Variants in ARSD observed in about 807,000 individuals in gnomAD.
ARSD encodes the protein arylsulfatase D, also known as testis tissue sperm-binding protein Li 39a.
A neutral mutation model predicts 32.6 loss-of-function variants in ARSD; 21 were observed. The ratio of observed to expected loss-of-function variants is 0.64; its 90% CI spans 0.46 to 0.93. ARSD has a LOEUF of 0.93. ARSD is among the 40% of genes least tolerant of loss of function. The pLI is 0.00. For missense variants in ARSD, 454 were observed against 520.9 expected (o/e 0.87, Z 1.25); for synonymous variants, 224 against 237.4 (o/e 0.94, Z 0.52).
intron 2 of ARSD, among the ~76,000 whole-genome samples, chrX:2,924,426 T>G (rs1029961079): frequency 6.2e-5 from 7 of 113,655 alleles, no homozygotes; most frequent in Admixed American, 3.7e-4. Flanking sequence ...TGGCAGCTAT[T>G]GAAAAGCAGA....
intron 1 of ARSD, among the ~76,000 whole-genome samples, chrX:2,928,266 T>C (rs1479597478): frequency 1.0e-5 from 1 of 97,051 alleles, no homozygotes; most frequent in African/African-American, 3.8e-5. Context: ...ACGGCCGCGC[T>C]TGTGGTGGAG....
chrX:2,904,964 A>G lies in ARSD; in HGVS notation c.*2307T>C. ...CCAGGTGTCTCCTGTGTGTCCCTCC[A>G]GATCCCTCTCCAGCCCTAGAAACCT... On this transcript the variant is annotated 3_prime_UTR_variant, in exon 10 of 10. Transcript: ENST00000381154. 6.1e-6 allele frequency: 2 copies of G among 328,452 alleles called. No homozygotes were observed. The highest frequency in any genetic ancestry group is 1.2e-5 in the Non-Finnish European group (2 of 165,280). The allele number at this position is 328,452 out of a possible 1,213,427, so 27.1% of individuals were successfully genotyped here.
intron 5 of ARSD, 52 bp downstream of exon 5, chrX:2,917,752 T>A: frequency 8.8e-7 from 1 of 1,130,649 alleles, no homozygotes. Context: ...ATGACAGGCA[T>A]GAGCCATCGC....
At chrX:2,921,034 G>A (rs2089024033) in intron 3 of ARSD, among the ~76,000 whole-genome samples, 1 of 111,269 alleles carries the variant, frequency 9.0e-6, no homozygotes, top group Non-Finnish European at 1.9e-5. Flanking sequence ...TACTCGTATC[G>A]GGTGCGTGGA....
At position 2,907,021 on chromosome X, in the gene ARSD, G is replaced by C. The variant is rs747168282; in HGVS notation, c.*250C>G. On this transcript the variant is annotated 3_prime_UTR_variant, in exon 10 of 10. Transcript: ENST00000381154. ...AATCCTGGGTACTCAGGAGGCTGAGGCAGGAAAATCGCTTGAACCCGGGAG... is the reference window on the plus strand; with the variant it reads ...AATCCTGGGTACTCAGGAGGCTGAGCCAGGAAAATCGCTTGAACCCGGGAG... The C allele has an allele frequency of 2.3e-4, 69 of 294,917 alleles. No homozygotes were observed. Among genetic ancestry groups the C allele is most frequent in the Non-Finnish European group, 3.5e-4 (60 of 170,459 alleles). 24.3% of individuals were successfully genotyped at this position (294,917 alleles called of 1,213,427 possible). A position where few individuals can be genotyped will look rare whatever the true frequency, so the allele number is the denominator to read the frequency against.
chrX:2,925,907 T>A, intron 1 of ARSD, 142 bp from the exon 2 acceptor site: 1 of 604,822 alleles, frequency 1.7e-6, no homozygotes, highest in Non-Finnish European at 2.5e-6. Context: ...TGTCTTGGCC[T>A]GAATTCCTGC....
rs1193444420 is a variant in ARSD, at chrX:2,907,122, A to T, written c.*149T>A. ...ACAGAGCGACACTCTGTCTCAAAAA[A>T]GAAAGAAAGAAAGAAAGAAAGTGGG... On this transcript the variant is annotated 3_prime_UTR_variant, in exon 10 of 10. Coordinates refer to ENST00000381154, the MANE Select transcript of ARSD (RefSeq NM_001669.4). 2.0e-5 allele frequency: 9 copies of T among 458,596 alleles called. No homozygotes were observed. The highest frequency in any genetic ancestry group is 2.9e-5 in the Non-Finnish European group (8 of 278,933). 37.8% of individuals were successfully genotyped at this position (458,596 alleles called of 1,213,427 possible).
intron 6 of ARSD, chrX:2,914,240 T>C: frequency 1.3e-6 from 1 of 750,122 alleles, no homozygotes; most frequent in Non-Finnish European, 1.6e-6. Context: ...TATTTCTTTT[T>C]TTTTTTGGAG....
chrX:2,921,206 G>T (rs1049470046), intron 3 of ARSD, among the ~76,000 whole-genome samples: 16 of 111,127 alleles, frequency 1.4e-4, no homozygotes, highest in African/African-American at 5.2e-4. Flanking sequence ...TGTTTACCTA[G>T]CTATCACCTG....
At position 2,905,188 on chromosome X, in the gene ARSD, C is replaced by A; in HGVS notation, c.*2083G>T. On this transcript the variant is annotated 3_prime_UTR_variant, in exon 10 of 10. Transcript: ENST00000381154. The stretch of plus-strand genomic sequence containing the variant: ...CTCTTCCTCTGGATCTTGGAAGCTT[C>A]CATGCTGAGGTCTGAAGGTGGCTCC... The A allele has an allele frequency of 3.5e-6, 1 of 285,819 alleles. No individual in the cohort carries two copies. Among genetic ancestry groups the A allele is most frequent in the Non-Finnish European group, 6.8e-6 (1 of 147,228 alleles). The allele number at this position is 285,819 out of a possible 1,213,427, so 23.6% of individuals were successfully genotyped here. A position where few individuals can be genotyped will look rare whatever the true frequency, so the allele number is the denominator to read the frequency against.
At position 2,907,114 on chromosome X, in the gene ARSD, C is replaced by T; in HGVS notation, c.*157G>A. On this transcript the variant is annotated 3_prime_UTR_variant, in exon 10 of 10. Coordinates refer to ENST00000381154, the MANE Select transcript of ARSD (RefSeq NM_001669.4). ...CCTGAGGGACAGAGCGACACTCTGT[C>T]TCAAAAAAGAAAGAAAGAAAGAAAG... 4.0e-6 allele frequency: 2 copies of T among 498,757 alleles called. No individual in the cohort carries two copies. The highest frequency in any genetic ancestry group is 3.5e-5 in the South Asian group (1 of 28,187). The allele number at this position is 498,757 out of a possible 1,213,427, so 41.1% of individuals were successfully genotyped here.
At chrX:2,908,030 T>G (rs778069717) in intron 9 of ARSD, 1 of 684,090 alleles carries the variant, frequency 1.5e-6, no homozygotes, top group East Asian at 1.3e-4. Context: ...GATTGGGTAC[T>G]TATCTATCTA....
Position 2,917,771 on chromosome X carries a change from C to G in ARSD, c.863+33G>C. On this transcript the variant is annotated intron_variant, in intron 5 of 9. Coordinates refer to ENST00000381154, the MANE Select transcript of ARSD (RefSeq NM_001669.4). ...CAGGCATGAGCCATCGCGTCCGGCC[C>G]CATCTCCTCTTTAAGATGCGATGGT... 3.4e-6 allele frequency: 4 copies of G among 1,176,502 alleles called. No individual in the cohort carries two copies. The African/African-American group carries it at 7.0e-5, about 21-fold the overall frequency.
chrX:2,917,760 C>G, intron 5 of ARSD, 44 bp downstream of exon 5: 1 of 1,144,207 alleles, frequency 8.7e-7, no homozygotes, highest in East Asian at 3.1e-5. Flanking sequence ...CATGAGCCAT[C>G]GCGTCCGGCC....
At chrX:2,918,484 C>T (rs1488854747) in intron 4 of ARSD, among the ~76,000 whole-genome samples, 2 of 112,485 alleles carry the variant, frequency 1.8e-5, no homozygotes, top group African/African-American at 3.2e-5. Context: ...GGCGCGGTGG[C>T]TCACGCCTGT....
intron 1 of ARSD, among the ~76,000 whole-genome samples, chrX:2,926,688 T>A (rs911501202): frequency 8.9e-6 from 1 of 112,349 alleles, no homozygotes; most frequent in African/African-American, 3.2e-5. Context: ...AACAGAAGAT[T>A]TGAGTAAGCA....
At chrX:2,916,326 C>T (rs2088960178) in intron 5 of ARSD, among the ~76,000 whole-genome samples, 1 of 108,316 alleles carries the variant, frequency 9.2e-6, no homozygotes, top group Non-Finnish European at 1.9e-5. Flanking sequence ...GGTGAAACCC[C>T]ATCTCTACTA....
In ARSD at chrX:2,925,699, A is replaced by G; in HGVS notation, c.111T>C (p.Asn37=). ...LLKTCEPKTA[N]AFKPNILLIM... is the part of the protein sequence containing the mutation. ...TCAGTAGGATATTTGGTTTAAAGGC[A>G]TTTGCAGTTTTAGGTTCACACGTCT... The change falls in exon 2 of 10, where the codon AAT becomes AAC. Residue 37 remains asparagine (N), a synonymous_variant. Transcript: ENST00000381154. The G allele has an allele frequency of 8.3e-7, 1 of 1,210,603 alleles. No individual in the cohort carries two copies. The highest frequency in any genetic ancestry group is 1.1e-6 in the Non-Finnish European group (1 of 894,640).
At chrX:2,920,363 G>T (rs2089016811) in intron 4 of ARSD, 2 of 380,018 alleles carry the variant, frequency 5.3e-6, no homozygotes, top group Non-Finnish European at 4.5e-6. Flanking sequence ...AGGAAAACGG[G>T]ATCTTTTTTT....
Sources: gnomAD v4.1 joint callset for allele counts (sites outside exome capture counted in the v4.1 genomes callset) on GRCh38, gnomAD v4.1.1 for gene constraint, MANE v1.5 for transcripts, NCBI Gene and HGNC (gene_info 2026-07-23, HGNC 2026-07-21) for gene names.